Variants in WDR45B observed in about 807,000 individuals in gnomAD.
The protein encoded by WDR45B is WD repeat domain phosphoinositide-interacting protein 3.
Under a neutral mutation model 44.6 loss-of-function variants are expected in WDR45B, and 20 were observed. The ratio of observed to expected loss-of-function variants is 0.45; its 90% CI spans 0.32 to 0.65. WDR45B has a LOEUF of 0.65. Ranked by LOEUF, WDR45B falls within the 30% of genes least tolerant of loss-of-function variation. The pLI is 0.05. For missense variants in WDR45B, 323 were observed against 430.2 expected (o/e 0.75, Z 2.20); for synonymous variants, 169 against 164.9 (o/e 1.02, Z -0.19).
In WDR45B at chr17:82,636,260, C is replaced by CAAAAA. The variant is rs71168123; in HGVS notation, c.143-5243_143-5239dup. Among the ~76,000 whole-genome samples the CAAAAA allele has an allele frequency of 5.6e-4, 59 of 104,566 alleles. 1 individual carries two copies. The highest frequency in any genetic ancestry group is 1.2e-3 in the African/African-American group (32 of 26,660). 68.6% of individuals were successfully genotyped at this position (104,566 alleles called of 152,430 possible). On this transcript the variant is annotated intron_variant, in intron 2 of 9. Transcript: ENST00000392325. ...TGGGTGACAGAGCAAGACTCCGTCTCAAAAAAAAAAAAAAAAAAAGAAGAC... is the reference window on the plus strand; with the variant it reads ...TGGGTGACAGAGCAAGACTCCGTCTCAAAAAAAAAAAAAAAAAAAAAAAAGAAGAC...
chr17:82,641,061 G>A (rs899572685), intron 2 of WDR45B, among the ~76,000 whole-genome samples: 1 of 147,480 alleles, frequency 6.8e-6, no homozygotes, highest in Non-Finnish European at 1.5e-5. Context: ...GGCCTCCCGG[G>A]TTTAAGTGAT....
At chr17:82,636,771 C>T (rs1422679952) in intron 2 of WDR45B, among the ~76,000 whole-genome samples, 1 of 151,982 alleles carries the variant, frequency 6.6e-6, no homozygotes, top group Admixed American at 6.5e-5. Flanking sequence ...AACAGCCTAC[C>T]CGCTTCCCGT....
At chr17:82,641,563 C>G (rs1403452139) in intron 2 of WDR45B, among the ~76,000 whole-genome samples, 1 of 152,182 alleles carries the variant, frequency 6.6e-6, no homozygotes, top group East Asian at 1.9e-4. Context: ...ACCCTGCACA[C>G]TAGGAGAAGC....
rs1011850035 is a variant in WDR45B at position 82,615,539 on chromosome 17, G to A, written c.*380C>T. ...CCCCCGCTGCAGACTCAGTAAGAACGACGGAATCTGCTGCAAAAACAAACC... is the reference window on the plus strand; with the variant it reads ...CCCCCGCTGCAGACTCAGTAAGAACAACGGAATCTGCTGCAAAAACAAACC... On this transcript the variant is annotated 3_prime_UTR_variant, in exon 10 of 10. Transcript: ENST00000392325. The A allele has an allele frequency of 1.3e-5, 4 of 308,800 alleles. No homozygotes were observed. Among genetic ancestry groups the A allele is most frequent in the East Asian group, 7.5e-5 (1 of 13,360 alleles). The allele number at this position is 308,800 out of a possible 1,614,324, so 19.1% of individuals were successfully genotyped here.
intron 1 of WDR45B, 83 bp from the exon 2 acceptor site, chr17:82,644,106 G>T: frequency 7.5e-7 from 1 of 1,333,834 alleles, no homozygotes; most frequent in Non-Finnish European, 1.1e-6. Context: ...GACAACTACT[G>T]AGAACTCTTG....
chr17:82,626,428 C>T (rs1006734898), intron 4 of WDR45B, among the ~76,000 whole-genome samples: 39 of 146,586 alleles, frequency 2.7e-4, no homozygotes, highest in Non-Finnish European at 4.2e-4. Context: ...CCAGCTACTC[C>T]GGAGGCTGAG....
At chr17:82,641,478 T>C (rs183989086) in intron 2 of WDR45B, among the ~76,000 whole-genome samples, 1 of 152,278 alleles carries the variant, frequency 6.6e-6, no homozygotes, top group East Asian at 1.9e-4. Flanking sequence ...TCTCCTGCCC[T>C]TTCACCTGCT....
chr17:82,646,618 G>C (rs1181249543), intron 1 of WDR45B, among the ~76,000 whole-genome samples: 2 of 151,986 alleles, frequency 1.3e-5, no homozygotes, highest in African/African-American at 4.8e-5. Context: ...AGCATTTATT[G>C]GAATCAAGCG....
At chr17:82,624,438 G>T (rs764987260) in intron 5 of WDR45B, among the ~76,000 whole-genome samples, 7 of 151,612 alleles carry the variant, frequency 4.6e-5, no homozygotes, top group African/African-American at 1.7e-4. Context: ...AGTTTTGTAT[G>T]TTTAGTAGAG....
chr17:82,617,283 T>A lies in WDR45B; in HGVS notation c.806+13A>T. On this transcript the variant is annotated intron_variant, in intron 8 of 9. Coordinates refer to ENST00000392325, the MANE Select transcript of WDR45B (RefSeq NM_019613.4). ...TCCCCCGGCTTTTCCCCAGCAGGCA[T>A]CCTAACACCTACCTGGACTGTTTAT... The A allele has an allele frequency of 6.2e-7, 1 of 1,611,552 alleles. No homozygotes were observed. The highest frequency in any genetic ancestry group is 8.5e-7 in the Non-Finnish European group (1 of 1,179,392).
At chr17:82,630,700 G>A (rs1049319051) in intron 3 of WDR45B, among the ~76,000 whole-genome samples, 5 of 152,162 alleles carry the variant, frequency 3.3e-5, no homozygotes, top group Admixed American at 2.6e-4. Context: ...TGACTGAAAC[G>A]CACGTGTTCT....
At chr17:82,617,248 A>C in intron 8 of WDR45B, 48 bp downstream of exon 8, 14 of 1,549,574 alleles carry the variant, frequency 9.0e-6, no homozygotes, top group Non-Finnish European at 1.2e-5. Context: ...AACACTGGGG[A>C]CTCCTCTCAT....
chr17:82,617,299 G>A lies in WDR45B; in HGVS notation c.803C>T (p.Ser268Phe). ...CAGCAGGCATCCTAACACCTACCTG[G>A]ACTGTTTATTCCTTTTTGGATCTTC... Reference protein sequence around the residue: ...AAEDPKRNKQSSLASASFLPK... With the variant: ...AAEDPKRNKQFSLASASFLPK... Residue 268 changes from serine (S) to phenylalanine (F), a missense_variant, in exon 8 of 10, where the codon TCC becomes TTC. Ser to Phe is a radical substitution (Grantham distance 155). Transcript: ENST00000392325. 6.2e-7 allele frequency: 1 copy of A among 1,612,856 alleles called. No homozygotes were observed. The highest frequency in any genetic ancestry group is 8.5e-7 in the Non-Finnish European group (1 of 1,179,964).
rs556597533 is a variant in WDR45B, at chr17:82,636,719, C to T, written c.143-5697G>A. ...TGTTAACTTCCTTATCCTTTGTTCT[C>T]GAACTCGACTTTCTTGTTCTTCCTT... On this transcript the variant is annotated intron_variant, in intron 2 of 9. Transcript: ENST00000392325. The T allele has an allele frequency of 2.4e-4, 37 of 152,154 alleles. 1 individual carries two copies. Among genetic ancestry groups the T allele is most frequent in the African/African-American group, 8.7e-4 (36 of 41,388 alleles). 9.4% of individuals were successfully genotyped at this position (152,154 alleles called of 1,614,324 possible). A position where few individuals can be genotyped will look rare whatever the true frequency, so the allele number is the denominator to read the frequency against.
rs754437057 is a variant in WDR45B, at chr17:82,643,935, C to T, written c.142+14G>A. ...GAAAGGGGAGAAACCAGAAAATGTC[C>T]CGTTAATTCTTACCTTGTTTCTCTT... On this transcript the variant is annotated intron_variant, in intron 2 of 9. Coordinates refer to ENST00000392325, the MANE Select transcript of WDR45B (RefSeq NM_019613.4). 3.1e-6 allele frequency: 5 copies of T among 1,612,870 alleles called. No homozygotes were observed. The highest frequency in any genetic ancestry group is 4.2e-6 in the Non-Finnish European group (5 of 1,179,130).
intron 5 of WDR45B, among the ~76,000 whole-genome samples, chr17:82,622,006 T>G (rs1199775841): frequency 1.3e-5 from 2 of 152,124 alleles, no homozygotes; most frequent in Non-Finnish European, 2.9e-5. Flanking sequence ...CTCCTCATAA[T>G]CAAGACATCT....
chr17:82,632,829 G>A (rs1318775328), intron 2 of WDR45B, among the ~76,000 whole-genome samples: 2 of 152,040 alleles, frequency 1.3e-5, no homozygotes, highest in East Asian at 3.8e-4. Flanking sequence ...AGAGTTCAAG[G>A]CCATCCTGGG....
At chr17:82,636,992 G>A (rs953261213) in intron 2 of WDR45B, among the ~76,000 whole-genome samples, 4 of 151,996 alleles carry the variant, frequency 2.6e-5, no homozygotes, top group Admixed American at 6.6e-5. Flanking sequence ...TAGGGACTGC[G>A]TTCAGGATAA....
At chr17:82,616,716 T>C in intron 8 of WDR45B, 71 bp from the exon 9 acceptor site, 2 of 1,598,044 alleles carry the variant, frequency 1.3e-6, no homozygotes, top group Admixed American at 1.7e-5. Context: ...AAGCTCAGAA[T>C]ACGCTGCTGA....
Sources: gnomAD v4.1 joint callset for allele counts (sites outside exome capture counted in the v4.1 genomes callset) on GRCh38, gnomAD v4.1.1 for gene constraint, MANE v1.5 for transcripts, NCBI Gene and HGNC (gene_info 2026-07-23, HGNC 2026-07-21) for gene names.